Variants in GABRB1 observed in about 807,000 individuals in gnomAD.
The protein encoded by GABRB1 is gamma-aminobutyric acid receptor subunit beta-1.
A neutral mutation model predicts 51.6 loss-of-function variants in GABRB1; 17 were observed. The observed-to-expected ratio is 0.33, with a 90% CI of 0.23 to 0.49. The LOEUF is 0.49. Among genes scored for constraint, GABRB1 ranks in the 20% least tolerant of loss-of-function variants. The pLI is 0.99. For missense variants in GABRB1, 410 were observed against 600.6 expected (o/e 0.68, Z 3.32); for synonymous variants, 247 against 218.9 (o/e 1.13, Z -1.14).
At chr4:47,185,438 A>G (rs1719133356) in intron 4 of GABRB1, among the ~76,000 whole-genome samples, 1 of 151,888 alleles carries the variant, frequency 6.6e-6, no homozygotes, top group Non-Finnish European at 1.5e-5. Flanking sequence ...GTTAAAGATC[A>G]CAGCTAACAT....
At chr4:47,149,157 A>G (rs1319868956) in intron 3 of GABRB1, among the ~76,000 whole-genome samples, 2 of 152,056 alleles carry the variant, frequency 1.3e-5, no homozygotes, top group Admixed American at 6.6e-5. Context: ...ACAATATAAC[A>G]TAGGGAAAGC....
At chr4:47,004,156 C>A (rs1202783038) in intron 1 of GABRB1, among the ~76,000 whole-genome samples, 1 of 151,880 alleles carries the variant, frequency 6.6e-6, no homozygotes, top group East Asian at 1.9e-4. Context: ...GCCTGTCTAA[C>A]TTTTTGTGTT....
intron 4 of GABRB1, among the ~76,000 whole-genome samples, chr4:47,239,653 A>C (rs1721454067): frequency 6.6e-6 from 1 of 152,238 alleles, no homozygotes; most frequent in Non-Finnish European, 1.5e-5. Flanking sequence ...TTCAGTGTTA[A>C]TGGCTTTTAA....
At chr4:47,283,666 G>A (rs539685260) in intron 4 of GABRB1, among the ~76,000 whole-genome samples, 1 of 151,842 alleles carries the variant, frequency 6.6e-6, no homozygotes, top group African/African-American at 2.4e-5. Context: ...GGGATTACAG[G>A]CTTGAGCCAC....
At chr4:47,334,209 A>G (rs1026111635) in intron 5 of GABRB1, among the ~76,000 whole-genome samples, 8 of 152,236 alleles carry the variant, frequency 5.3e-5, no homozygotes, top group African/African-American at 1.4e-4. Flanking sequence ...TTGAGTAGTC[A>G]AAATCTGGAG....
intron 3 of GABRB1, among the ~76,000 whole-genome samples, chr4:47,092,570 G>A (rs1027909774): frequency 1.3e-5 from 2 of 151,428 alleles, no homozygotes; most frequent in African/African-American, 4.9e-5. Flanking sequence ...GTGAATCTGA[G>A]GTCACTTTTG....
chr4:47,047,381 C>G (rs1269270872), intron 3 of GABRB1, among the ~76,000 whole-genome samples: 1 of 151,936 alleles, frequency 6.6e-6, no homozygotes, highest in Non-Finnish European at 1.5e-5. Flanking sequence ...ATAAAGCAAC[C>G]ATATGAAGTA....
intron 3 of GABRB1, among the ~76,000 whole-genome samples, chr4:47,115,862 T>C (rs1715456940): frequency 6.6e-6 from 1 of 152,230 alleles, no homozygotes; most frequent in Non-Finnish European, 1.5e-5. Flanking sequence ...ACATTAATGC[T>C]GAAGCAAACC....
intron 1 of GABRB1, among the ~76,000 whole-genome samples, chr4:47,018,878 T>G (rs188290791): frequency 6.6e-6 from 1 of 152,290 alleles, no homozygotes; most frequent in Admixed American, 6.5e-5. Flanking sequence ...AATCCGCGTA[T>G]AAGTGGACCC....
chr4:47,140,093 AACACACACAC>A (rs67749563), intron 3 of GABRB1, among the ~76,000 whole-genome samples: 1,491 of 135,334 alleles, frequency 0.011, 19 homozygotes, highest in South Asian at 0.035. Context: ...AAATTAAATT[AACACACACAC>A]ACACACACAC....
chr4:47,140,633 A>T (rs1577945051), intron 3 of GABRB1, among the ~76,000 whole-genome samples: 1 of 151,920 alleles, frequency 6.6e-6, no homozygotes, highest in South Asian at 2.1e-4. Context: ...CCAACATTCC[A>T]TATTTCCTAC....
intron 4 of GABRB1, among the ~76,000 whole-genome samples, chr4:47,259,132 A>C (rs1445575404): frequency 1.3e-5 from 2 of 152,068 alleles, no homozygotes; most frequent in Non-Finnish European, 2.9e-5. Context: ...ACTGACATCC[A>C]TCTTTGAGAG....
chr4:47,395,635 G>A (rs965325195), intron 5 of GABRB1, among the ~76,000 whole-genome samples: 5 of 152,110 alleles, frequency 3.3e-5, no homozygotes, highest in African/African-American at 1.2e-4. Context: ...AAAATACATA[G>A]GATGCCAAGA....
rs75353931 is a variant in GABRB1, at chr4:47,176,933, C to T, written c.461+15464C>T. Among the ~76,000 whole-genome samples the T allele has an allele frequency of 1.8e-4, 27 of 152,182 alleles. No individual in the cohort carries two copies. The East Asian group carries it at 4.8e-3, about 27-fold the overall frequency. On this transcript the variant is annotated intron_variant, in intron 4 of 8. Coordinates refer to ENST00000295454, the MANE Select transcript of GABRB1 (RefSeq NM_000812.4). ...TCCTTCTAAAATGAAGAAACTGAGG[C>T]AGTAACAAGTAACTTGCTTAAGATC... is the stretch of plus-strand genomic sequence containing the variant.
At chr4:47,156,731 G>A (rs977313829) in intron 3 of GABRB1, among the ~76,000 whole-genome samples, 4 of 151,870 alleles carry the variant, frequency 2.6e-5, no homozygotes, top group Non-Finnish European at 5.9e-5. Context: ...CACTTTGGGG[G>A]ACCGAGGGGG....
At chr4:47,337,664 G>T (rs1725746137) in intron 5 of GABRB1, among the ~76,000 whole-genome samples, 1 of 151,876 alleles carries the variant, frequency 6.6e-6, no homozygotes, top group Non-Finnish European at 1.5e-5. Flanking sequence ...ACAAAAATCA[G>T]CTAGGTTTGG....
intron 4 of GABRB1, among the ~76,000 whole-genome samples, chr4:47,274,903 T>C (rs1034651395): frequency 2.6e-5 from 4 of 152,296 alleles, no homozygotes; most frequent in Non-Finnish European, 5.9e-5. Context: ...AAATGGCCAT[T>C]CCTATTCAGC....
upstream of GABRB1, among the ~76,000 whole-genome samples, chr4:47,028,692 T>A (rs941742403): frequency 2.0e-5 from 3 of 151,146 alleles, no homozygotes; most frequent in African/African-American, 7.3e-5. Flanking sequence ...AAGTGTGGTA[T>A]CCTTCTTATT....
chr4:47,027,631 G>A (rs1725143279), upstream of GABRB1, among the ~76,000 whole-genome samples: 1 of 151,068 alleles, frequency 6.6e-6, no homozygotes, highest in Admixed American at 6.6e-5. Context: ...ATTAACACAG[G>A]TTAAAATGAC....
Sources: gnomAD v4.1 joint callset for allele counts (sites outside exome capture counted in the v4.1 genomes callset) on GRCh38, gnomAD v4.1.1 for gene constraint, MANE v1.5 for transcripts, NCBI Gene and HGNC (gene_info 2026-07-23, HGNC 2026-07-21) for gene names.